GABRG3: variants seen among roughly 807,000 people sequenced by gnomAD.
GABRG3 encodes gamma-aminobutyric acid type A receptor subunit gamma3, also known as gamma-aminobutyric acid receptor subunit gamma-3.
A neutral mutation model predicts 48.8 loss-of-function variants in GABRG3; 25 were observed. The ratio of observed to expected loss-of-function variants is 0.51; its 90% confidence interval spans 0.37 to 0.72. The LOEUF is 0.72. Among genes scored for constraint, GABRG3 ranks in the 30% least tolerant of loss-of-function variants. GABRG3 has a pLI of 0.00. For missense variants in GABRG3, 394 were observed against 577.9 expected (o/e 0.68, Z 3.26); for synonymous variants, 227 against 217.6 (o/e 1.04, Z -0.38).
At chr15:27,061,933 G>A (rs554745988) in intron 3 of GABRG3, among the ~76,000 whole-genome samples, 1 of 152,288 alleles carries the variant, frequency 6.6e-6, no homozygotes, top group African/African-American at 2.4e-5. Context: ...TTCCATGTTT[G>A]AACAGTTCCT....
intron 5 of GABRG3, among the ~76,000 whole-genome samples, chr15:27,386,366 A>C (rs1895920590): frequency 6.6e-6 from 1 of 152,196 alleles, no homozygotes; most frequent in African/African-American, 2.4e-5. Flanking sequence ...AAGTTGGTCC[A>C]AGATGAGTGA....
intron 3 of GABRG3, among the ~76,000 whole-genome samples, chr15:27,088,360 A>T (rs1897123347): frequency 6.6e-6 from 1 of 151,922 alleles, no homozygotes; most frequent in Non-Finnish European, 1.5e-5. Context: ...CCCCAGGAGA[A>T]GGAAAGGGTG....
Position 26,974,612 on chromosome 15 carries a change from C to G in GABRG3, c.54-2390C>G, listed in dbSNP as rs1366277072. Among the ~76,000 whole-genome samples, 1 of 151,750 alleles carries G rather than the reference C, an allele frequency of 6.6e-6. No individual in the cohort carries two copies. The highest frequency in any genetic ancestry group is 1.9e-4 in the East Asian group (1 of 5,130). ...AGGGAGGAAGGCACCTGGGCTGAGT[C>G]GCCAAGTGTCCTGAGCATGTTGTGC... is the stretch of plus-strand genomic sequence containing the variant. On this transcript the variant is annotated intron_variant, in intron 1 of 9. Coordinates refer to ENST00000615808, the MANE Select transcript of GABRG3 (RefSeq NM_033223.5). The surrounding 1 kb of genome is among the most constrained non-coding windows in gnomAD (Gnocchi z 4.3).
At chr15:27,530,768 G>C (rs1215675678) in intron 9 of GABRG3, 3 of 468,926 alleles carry the variant, frequency 6.4e-6, no homozygotes, top group Non-Finnish European at 1.3e-5. Flanking sequence ...CTTCTCCTCT[G>C]TGTCTCCGGT....
chr15:27,264,763 C>G (rs1381865285), intron 3 of GABRG3, among the ~76,000 whole-genome samples: 1 of 151,976 alleles, frequency 6.6e-6, no homozygotes, highest in African/African-American at 2.4e-5. Context: ...CAAGCCCTAC[C>G]AAATTAAAAC....
chr15:27,296,087 G>C (rs1204631908), intron 3 of GABRG3, among the ~76,000 whole-genome samples: 1 of 152,152 alleles, frequency 6.6e-6, no homozygotes, highest in Non-Finnish European at 1.5e-5. Context: ...GACCTGGGTG[G>C]AGAAGGAGCC....
chr15:27,438,127 G>A (rs1428913010), intron 5 of GABRG3, among the ~76,000 whole-genome samples: 1 of 152,152 alleles, frequency 6.6e-6, no homozygotes, highest in Admixed American at 6.5e-5. Context: ...GATCCAAGAT[G>A]GGCTGCTGAA....
intron 3 of GABRG3, among the ~76,000 whole-genome samples, chr15:27,268,969 C>G (rs182922131): frequency 6.6e-6 from 1 of 152,184 alleles, no homozygotes; most frequent in South Asian, 2.1e-4. Flanking sequence ...ACCTCGTACA[C>G]TGTTGCCCAG....
At chr15:27,466,466 ACTTATTT>A (rs1351328807) in intron 5 of GABRG3, among the ~76,000 whole-genome samples, 1 of 121,090 alleles carries the variant, frequency 8.3e-6, no homozygotes, top group African/African-American at 5.0e-5. Flanking sequence ...CCAAAGCAGA[ACTTATTT>A]CTTATTGCAC....
At chr15:27,152,492 T>C (rs1898335582) in intron 3 of GABRG3, among the ~76,000 whole-genome samples, 1 of 152,214 alleles carries the variant, frequency 6.6e-6, no homozygotes, top group Non-Finnish European at 1.5e-5. Flanking sequence ...ATATGCACTT[T>C]AGCATAATCT....
intron 5 of GABRG3, among the ~76,000 whole-genome samples, chr15:27,434,896 T>G (rs1019358802): frequency 6.6e-6 from 1 of 152,204 alleles, no homozygotes; most frequent in Non-Finnish European, 1.5e-5. Flanking sequence ...AGGTTAGCCA[T>G]GTGTCCATCT....
At chr15:27,527,883 T>C in intron 8 of GABRG3, 50 bp from the exon 9 acceptor site, 1 of 1,410,142 alleles carries the variant, frequency 7.1e-7, no homozygotes, top group Non-Finnish European at 9.8e-7. Context: ...TGATCTTGGA[T>C]GCAAATGTTC....
intron 7 of GABRG3, among the ~76,000 whole-genome samples, chr15:27,524,081 G>T (rs1038910457): frequency 1.4e-4 from 21 of 152,148 alleles, no homozygotes; most frequent in African/African-American, 5.1e-4. Flanking sequence ...GTTAGGTAAA[G>T]ACACATCATA....
chr15:27,254,799 C>G (rs1489601091), intron 3 of GABRG3, among the ~76,000 whole-genome samples: 1 of 152,094 alleles, frequency 6.6e-6, no homozygotes, highest in Non-Finnish European at 1.5e-5. Flanking sequence ...TAGCACTGCT[C>G]TGTGGAAATA....
intron 3 of GABRG3, among the ~76,000 whole-genome samples, chr15:27,316,387 CAA>C (rs749930128): frequency 1.2e-4 from 5 of 41,660 alleles, no homozygotes; most frequent in Non-Finnish European, 1.6e-4. Flanking sequence ...GACTCCGTCT[CAA>C]AAAAAAAAAA....
intron 3 of GABRG3, among the ~76,000 whole-genome samples, chr15:27,153,021 C>T (rs1196153473): frequency 2.6e-5 from 4 of 152,052 alleles, no homozygotes; most frequent in East Asian, 1.9e-4. Flanking sequence ...CCACCACTCC[C>T]GGCTAATTTT....
rs1891526256 is a variant in GABRG3 at position 27,535,426 on chromosome 15, A to G, written c.*2545A>G. 1 of 152,210 alleles carries G rather than the reference A, an allele frequency of 6.6e-6. No homozygotes were observed. The highest frequency in any genetic ancestry group is 2.4e-5 in the African/African-American group (1 of 41,446). 9.4% of individuals were successfully genotyped at this position (152,210 alleles called of 1,614,324 possible). ...GAAATTTTACATGTAGGATAAATACACCAATAACCTCAGTTTTCTGAATCC... is the reference window on the plus strand; with the variant it reads ...GAAATTTTACATGTAGGATAAATACGCCAATAACCTCAGTTTTCTGAATCC... On this transcript the variant is annotated 3_prime_UTR_variant, in exon 10 of 10. Transcript: ENST00000615808.
intron 3 of GABRG3, among the ~76,000 whole-genome samples, chr15:27,172,475 C>A (rs978441426): frequency 6.6e-6 from 1 of 152,132 alleles, no homozygotes. Context: ...CTTCACTTGA[C>A]GTTTGTGAAT....
At chr15:27,174,366 A>G (rs1887671135) in intron 3 of GABRG3, among the ~76,000 whole-genome samples, 2 of 152,272 alleles carry the variant, frequency 1.3e-5, no homozygotes, top group Middle Eastern at 3.4e-3. Context: ...TGCATTTCAT[A>G]TGTTGTAACT....
Sources: allele counts gnomAD v4.1 joint callset (sites outside exome capture counted in the v4.1 genomes callset), GRCh38; gene constraint gnomAD v4.1.1; non-coding constraint Gnocchi (gnomAD v3.1); transcripts MANE v1.5; gene names NCBI Gene and HGNC (gene_info 2026-07-23, HGNC 2026-07-21).